MATN2: variants seen among roughly 807,000 people sequenced by gnomAD.
The protein encoded by MATN2 is matrilin 2, also known as matrilin-2.
MATN2 carries 69 observed loss-of-function variants against 103.2 expected under a neutral mutation model. The observed-to-expected ratio is 0.67, with a 90% CI of 0.55 to 0.82. The LOEUF is 0.82. Ranked by LOEUF, MATN2 falls within the 40% of genes least tolerant of loss-of-function variation. The pLI is 0.00. For synonymous variants in MATN2, 429 were observed against 450.2 expected (o/e 0.95, Z 0.60); for missense variants, 1,023 against 1,211.5 (o/e 0.84, Z 2.31).
intron 10 of MATN2, among the ~76,000 whole-genome samples, chr8:98,012,592 G>A (rs951030212): frequency 2.0e-5 from 3 of 152,116 alleles, no homozygotes; most frequent in Non-Finnish European, 4.4e-5. Context: ...GGTGAGAAAC[G>A]AGCCTGGGGA....
At chr8:97,924,799 A>G (rs945016427) in intron 2 of MATN2, among the ~76,000 whole-genome samples, 10 of 151,912 alleles carry the variant, frequency 6.6e-5, no homozygotes, top group Non-Finnish European at 1.0e-4. Flanking sequence ...AGTCCAGGCA[A>G]GGAAAGAACT....
intron 16 of MATN2, 23 bp from the exon 17 acceptor site, chr8:98,033,019 T>C: frequency 1.2e-5 from 19 of 1,594,638 alleles, no homozygotes; most frequent in Non-Finnish European, 1.6e-5. Context: ...CAGGTTTGAT[T>C]GCAGTTTTCT....
chr8:97,979,864 A>T (rs1811961560), intron 6 of MATN2, among the ~76,000 whole-genome samples: 1 of 152,260 alleles, frequency 6.6e-6, no homozygotes, highest in South Asian at 2.1e-4. Context: ...TCTAAAATGT[A>T]TTCACTATGT....
intron 3 of MATN2, among the ~76,000 whole-genome samples, chr8:97,941,179 AAAAAAAGAAAG>A (rs1294747704): frequency 1.6e-5 from 2 of 121,722 alleles, no homozygotes; most frequent in Non-Finnish European, 3.4e-5. Flanking sequence ...AAAAAAAAAA[AAAAAAAGAAAG>A]AAAGAAAGAA....
chr8:98,035,345 G>A (rs1233724126), intron 18 of MATN2, among the ~76,000 whole-genome samples: 2 of 150,658 alleles, frequency 1.3e-5, no homozygotes, highest in Admixed American at 6.7e-5. Context: ...CAACAAGAGC[G>A]AAACTCTGTC....
intron 1 of MATN2, among the ~76,000 whole-genome samples, chr8:97,879,499 G>A (rs538612433): frequency 6.6e-6 from 1 of 152,224 alleles, no homozygotes; most frequent in Non-Finnish European, 1.5e-5. Flanking sequence ...CAGTTCTGAG[G>A]CTCCTGGGAG....
intron 6 of MATN2, among the ~76,000 whole-genome samples, chr8:97,994,270 A>AGAAGAAGAAGGG (rs1812495019): frequency 1.3e-5 from 2 of 151,498 alleles, no homozygotes; most frequent in Admixed American, 6.6e-5. Flanking sequence ...GGGAAGAAGG[A>AGAAGAAGAAGGG]GAAGAAGGAA....
chr8:97,887,008 C>T (rs578035968), intron 1 of MATN2, among the ~76,000 whole-genome samples: 18 of 151,732 alleles, frequency 1.2e-4, no homozygotes, highest in East Asian at 3.9e-4. Flanking sequence ...TCTTGTGCCT[C>T]GGCCTCCTAA....
At chr8:97,903,266 C>T (rs534690246) in intron 2 of MATN2, among the ~76,000 whole-genome samples, 4 of 152,082 alleles carry the variant, frequency 2.6e-5, no homozygotes, top group Admixed American at 6.5e-5. Context: ...CTTTGGAATT[C>T]GTGGCATAGG....
At chr8:98,034,323 C>T (rs375536718) in intron 18 of MATN2, 4 of 394,856 alleles carry the variant, frequency 1.0e-5, no homozygotes, top group Non-Finnish European at 2.0e-5. Context: ...TATTGAACAC[C>T]CTGCCAAGTG....
chr8:97,883,843 T>A (rs6999680), intron 1 of MATN2, among the ~76,000 whole-genome samples: 33 of 152,054 alleles, frequency 2.2e-4, no homozygotes, highest in African/African-American at 7.7e-4. Context: ...CGTGAGCCAC[T>A]GTGCCTGGCC....
chr8:97,959,674 A>AG (rs1811244255), intron 4 of MATN2, among the ~76,000 whole-genome samples: 1 of 152,236 alleles, frequency 6.6e-6, no homozygotes, highest in Non-Finnish European at 1.5e-5. Flanking sequence ...GTTTAAAACC[A>AG]GAATTCTTAT....
intron 4 of MATN2, among the ~76,000 whole-genome samples, chr8:97,945,717 A>ATATATATATATATATATAT (rs1554605715): frequency 4.9e-5 from 6 of 121,830 alleles, no homozygotes; most frequent in African/African-American, 1.9e-4. Flanking sequence ...AAAAAAAAAA[A>ATATATATATATATATATAT]ATATATATAT....
intron 6 of MATN2, among the ~76,000 whole-genome samples, chr8:97,993,489 CA>C (rs536239679): frequency 2.1e-5 from 3 of 139,652 alleles, no homozygotes; most frequent in African/African-American, 5.8e-5. Context: ...ACAAAAAATA[CA>C]AAAAAAAGAA....
chr8:97,933,935 G>A (rs970849394), intron 3 of MATN2, among the ~76,000 whole-genome samples: 6 of 152,148 alleles, frequency 3.9e-5, no homozygotes. Flanking sequence ...GAAAGCCCCA[G>A]GAGGCAGGCA....
intron 5 of MATN2, among the ~76,000 whole-genome samples, chr8:97,976,755 A>G (rs1287311103): frequency 1.4e-5 from 2 of 147,398 alleles, no homozygotes; most frequent in African/African-American, 4.9e-5. Context: ...TTTTTTTGAG[A>G]CAGGGTCTTG....
chr8:98,020,570 T>C (rs1813553424), intron 12 of MATN2, among the ~76,000 whole-genome samples: 1 of 152,224 alleles, frequency 6.6e-6, no homozygotes. Context: ...TGATCCTAAA[T>C]CAGATTTCAC....
intron 2 of MATN2, among the ~76,000 whole-genome samples, chr8:97,925,340 T>A (rs528543061): frequency 6.6e-6 from 1 of 152,202 alleles, no homozygotes; most frequent in East Asian, 1.9e-4. Flanking sequence ...TTGCAGTTTT[T>A]CCACAAAGAC....
In MATN2 at chr8:97,910,237, T is replaced by G. The variant is rs140892964; in HGVS notation, c.143-20716T>G. On this transcript the variant is annotated intron_variant, in intron 2 of 18. Transcript: ENST00000254898. ...CCACCACACCTGGCTAATTTTTGTA[T>G]TTTTTGGTAGAGACGGGGTTTTGCC... is the stretch of plus-strand genomic sequence containing the variant. 1.3e-4 allele frequency among the ~76,000 whole-genome samples: 19 copies of G among 151,964 alleles called. No individual in the cohort carries two copies. The East Asian group carries it at 3.5e-3, about 28-fold the overall frequency.
Sources: allele counts gnomAD v4.1 joint callset (sites outside exome capture counted in the v4.1 genomes callset), GRCh38; gene constraint gnomAD v4.1.1; transcripts MANE v1.5; gene names NCBI Gene and HGNC (gene_info 2026-07-23, HGNC 2026-07-21).